Variants in ANK2 observed in about 807,000 individuals in gnomAD.
ANK2 encodes ankyrin-2.
ANK2 carries 83 observed loss-of-function variants against 360.5 expected under a neutral mutation model. The ratio of observed to expected loss-of-function variants is 0.23; its 90% CI spans 0.19 to 0.28. The LOEUF is 0.28. Among genes scored for constraint, ANK2 ranks in the 10% least tolerant of loss-of-function variants. The pLI is 1.00. For synonymous variants in ANK2, 1,740 were observed against 1,759.5 expected (o/e 0.99, Z 0.28); for missense variants, 4,201 against 4,795.7 (o/e 0.88, Z 3.66).
the ANK2 span, among the ~76,000 whole-genome samples, chr4:112,802,070 C>T: frequency 9.2e-5 from 14 of 152,198 alleles, no homozygotes; most frequent in Non-Finnish European, 1.9e-4. Flanking sequence ...AAAAGGGTCA[C>T]TTCCTGGTTT....
chr4:112,779,239 C>T, the ANK2 span, among the ~76,000 whole-genome samples: 1 of 152,212 alleles, frequency 6.6e-6, no homozygotes, highest in East Asian at 1.9e-4. Flanking sequence ...GCCACTTTGG[C>T]CGGGTGCGGT....
intron 10 of ANK2, among the ~76,000 whole-genome samples, chr4:113,253,891 C>A (rs2047847926): frequency 6.6e-6 from 1 of 152,186 alleles, no homozygotes; most frequent in South Asian, 2.1e-4. Context: ...AAAAGTCAAA[C>A]CTGCAAGGTC....
chr4:113,145,551 CT>C (rs1485385426), intron 1 of ANK2: 1 of 1,000,734 alleles, frequency 1.0e-6, no homozygotes, highest in African/African-American at 1.7e-5. Context: ...GCCCCCTCCC[CT>C]GCTCTCTGTC....
intron 1 of ANK2, among the ~76,000 whole-genome samples, chr4:112,845,322 G>GTTT (rs34457976): frequency 3.6e-4 from 53 of 147,758 alleles, no homozygotes; most frequent in East Asian, 2.3e-3. Context: ...GTACTTAGGT[G>GTTT]TTTTTTTTTT....
chr4:112,787,748 G>C, the ANK2 span, among the ~76,000 whole-genome samples: 92 of 152,272 alleles, frequency 6.0e-4, no homozygotes, highest in African/African-American at 2.1e-3. Flanking sequence ...TGGAAGGGGG[G>C]CACTTTCTGT....
At chr4:113,089,919 A>G (rs760193910) in intron 1 of ANK2, among the ~76,000 whole-genome samples, 1 of 152,232 alleles carries the variant, frequency 6.6e-6, no homozygotes, top group Non-Finnish European at 1.5e-5. Context: ...CTAGACTTAC[A>G]GAAGCACTAA....
At chr4:113,233,356 C>T (rs964783275) in intron 5 of ANK2, among the ~76,000 whole-genome samples, 1 of 150,930 alleles carries the variant, frequency 6.6e-6, no homozygotes, top group Non-Finnish European at 1.5e-5. Context: ...GGGATGGTCT[C>T]GATCTCTTGA....
At chr4:112,834,165 T>C (rs2060483326) in intron 1 of ANK2, among the ~76,000 whole-genome samples, 1 of 152,232 alleles carries the variant, frequency 6.6e-6, no homozygotes, top group South Asian at 2.1e-4. Context: ...CAGGTAGCCA[T>C]TACCCAGTTC....
At chr4:112,710,919 ATATATG>A in the ANK2 span, among the ~76,000 whole-genome samples, 15 of 139,432 alleles carry the variant, frequency 1.1e-4, no homozygotes, top group South Asian at 3.4e-3. Context: ...ATATATATAT[ATATATG>A]TATATATGAT....
chr4:113,167,541 C>T (rs987370410), intron 1 of ANK2, among the ~76,000 whole-genome samples: 52 of 152,166 alleles, frequency 3.4e-4, no homozygotes, highest in African/African-American at 1.2e-3. Context: ...TCAAGCAATC[C>T]ACCCTCCTCA....
At chr4:112,875,487 T>C (rs2074767874) in intron 1 of ANK2, among the ~76,000 whole-genome samples, 1 of 139,814 alleles carries the variant, frequency 7.2e-6, no homozygotes, top group African/African-American at 2.8e-5. Flanking sequence ...TAATTACATT[T>C]ATTTATTTAT....
In ANK2 at chr4:113,367,700, A is replaced by G. The variant is rs1271117495; in HGVS notation, c.11167A>G (p.Thr3723Ala). The G allele has an allele frequency of 6.2e-7, 1 of 1,613,882 alleles. No individual in the cohort carries two copies. The highest frequency in any genetic ancestry group is 1.7e-5 in the Admixed American group (1 of 59,986). Residue 3723 changes from threonine to alanine, a missense_variant, in exon 42 of 46, where the codon ACT becomes GCT. By Grantham distance (58) the Thr-to-Ala change is moderately conservative. Around this residue, in one of 4 missense-constraint regions of ANK2, gnomAD observed 2,642 missense variants for 2,714.5 expected, o/e 0.97. Coordinates refer to ENST00000357077, the MANE Select transcript of ANK2 (RefSeq NM_001148.6). ...SEEDISVGYS[T>A]FQDGVPKTEG... ...GGAAGACATTTCTGTTGGTTATTCC[A>G]CTTTTCAGGATGGCGTCCCCAAAAC...
chr4:112,713,865 C>T, the ANK2 span, among the ~76,000 whole-genome samples: 1,301 of 146,634 alleles, frequency 8.9e-3, 21 homozygotes, highest in African/African-American at 0.031. Context: ...ACCCGGGAGG[C>T]GGAGCTTGCA....
chr4:113,183,991 A>G (rs915611534), intron 2 of ANK2, among the ~76,000 whole-genome samples: 2 of 150,958 alleles, frequency 1.3e-5, no homozygotes, highest in Non-Finnish European at 3.0e-5. Context: ...AAGAAGCAAA[A>G]TAGAGCTCCC....
chr4:113,344,816 T>C (rs910464324), intron 34 of ANK2, among the ~76,000 whole-genome samples: 2 of 152,200 alleles, frequency 1.3e-5, no homozygotes, highest in African/African-American at 4.8e-5. Context: ...GTCAAATTCA[T>C]AAAGAGAGAA....
At chr4:112,838,249 C>G (rs918916450) in intron 1 of ANK2, among the ~76,000 whole-genome samples, 1 of 152,180 alleles carries the variant, frequency 6.6e-6, no homozygotes, top group Non-Finnish European at 1.5e-5. Flanking sequence ...GCCTGCTTCC[C>G]CTTCCCCTTC....
intron 1 of ANK2, among the ~76,000 whole-genome samples, chr4:112,819,097 C>G (rs913638502): frequency 1.3e-5 from 2 of 152,186 alleles, no homozygotes; most frequent in African/African-American, 4.8e-5. Flanking sequence ...TTAGGTGTGG[C>G]CTTTTTGGAG....
At chr4:112,792,308 T>C in the ANK2 span, among the ~76,000 whole-genome samples, 1 of 152,172 alleles carries the variant, frequency 6.6e-6, no homozygotes, top group Non-Finnish European at 1.5e-5. Context: ...CCCAAAGTGC[T>C]GGGATTACAG....
At chr4:112,741,203 T>C in the ANK2 span, among the ~76,000 whole-genome samples, 1 of 152,182 alleles carries the variant, frequency 6.6e-6, no homozygotes, top group Non-Finnish European at 1.5e-5. Context: ...GTTTATCATG[T>C]GCTTCTATAT....
Sources: gnomAD v4.1 joint callset for allele counts (sites outside exome capture counted in the v4.1 genomes callset) on GRCh38, gnomAD v4.1.1 for gene constraint, gnomAD v4.1.1 regional missense constraint, MANE v1.5 for transcripts, NCBI Gene and HGNC (gene_info 2026-07-23, HGNC 2026-07-21) for gene names.